Variants in ACAD11 observed in about 807,000 individuals in gnomAD.
ACAD11 encodes acyl-Coenzyme A dehydrogenase family, member 11.
Under a neutral mutation model 102.2 loss-of-function variants are expected in ACAD11, and 83 were observed. The observed-to-expected ratio is 0.81, with a 90% CI of 0.68 to 0.97. The LOEUF (loss-of-function observed/expected upper bound fraction) is 0.97. Among genes scored for constraint, ACAD11 ranks in the 50% least tolerant of loss-of-function variants. The pLI is 0.00. For missense variants in ACAD11, 901 were observed against 951.7 expected, an observed-to-expected ratio of 0.95 and a Z score of 0.70; for synonymous variants, 324 against 319.8, an observed-to-expected ratio of 1.01 and a Z score of -0.14.
intron 1 of ACAD11, 59 bp downstream of exon 1, chr3:132,659,544 G>C: frequency 3.1e-6 from 5 of 1,603,492 alleles, no homozygotes; most frequent in Middle Eastern, 1.7e-4. Context: ...CAGGGCCAAA[G>C]GAAGGAAAAC....
chr3:132,634,494 G>A (rs893445691), intron 5 of ACAD11, among the ~76,000 whole-genome samples: 23 of 152,132 alleles, frequency 1.5e-4, no homozygotes, highest in South Asian at 6.2e-4. Flanking sequence ...GGAAGTCAGT[G>A]TGGCGATTCC....
At position 132,631,478 on chromosome 3, in the gene ACAD11, C is replaced by T; in HGVS notation, c.704G>A (p.Cys235Tyr). ...LDNIVFHPKE[C>Y]RVIAVLDWEL... ...CCAATCCAGCACTGCTATAACTCGA[C>T]ACTGTAATTAAAAATAAAGAGGTCT... The change falls in exon 6 of 20, where the codon TGT becomes TAT. Residue 235 changes from cysteine (C) to tyrosine (Y), a missense_variant and splice_region_variant. By Grantham distance (194) the Cys-to-Tyr change is radical. Coordinates refer to ENST00000264990, the MANE Select transcript of ACAD11 (RefSeq NM_032169.5). 3 of 1,465,442 alleles carry T rather than the reference C, an allele frequency of 2.0e-6. No homozygotes were observed. The highest frequency in any genetic ancestry group is 1.8e-4 in the Middle Eastern group (1 of 5,500). 90.8% of individuals were successfully genotyped at this position (1,465,442 alleles called of 1,614,324 possible).
At chr3:132,570,603 C>T (rs751831884) in intron 17 of ACAD11, among the ~76,000 whole-genome samples, 5 of 152,024 alleles carry the variant, frequency 3.3e-5, no homozygotes, top group Non-Finnish European at 7.4e-5. Flanking sequence ...ATTATTTCGT[C>T]ACTCAGGTAT....
intron 13 of ACAD11, among the ~76,000 whole-genome samples, chr3:132,588,067 C>T (rs1329796062): frequency 6.6e-6 from 1 of 152,178 alleles, no homozygotes; most frequent in East Asian, 1.9e-4. Flanking sequence ...CTGTTCCACA[C>T]TGTTTCCTCA....
At chr3:132,618,531 T>A in intron 11 of ACAD11, 103 bp downstream of exon 11, 1 of 1,046,500 alleles carries the variant, frequency 9.6e-7, no homozygotes, top group Non-Finnish European at 1.3e-6. Context: ...GCTAAATTCA[T>A]AAGTCAATAA....
rs758837502 is a variant in ACAD11 at position 132,626,837 on chromosome 3, GA to G, written c.1071-21del. 15 of 1,587,426 alleles carry G rather than the reference GA, an allele frequency of 9.4e-6. No homozygotes were observed. The highest frequency in any genetic ancestry group is 5.8e-5 in the South Asian group (5 of 85,650). ...AAAGTTCTTTGCCAAAAGAAAAAAG[GA>G]AAAAAAGGTTACAAAGATGTCCAAA... On this transcript the variant is annotated intron_variant, in intron 8 of 19. Coordinates refer to ENST00000264990, the MANE Select transcript of ACAD11 (RefSeq NM_032169.5).
intron 13 of ACAD11, among the ~76,000 whole-genome samples, chr3:132,588,819 C>T (rs769682987): frequency 7.2e-5 from 11 of 152,118 alleles, no homozygotes; most frequent in Non-Finnish European, 1.5e-4. Flanking sequence ...TTTATCCAAA[C>T]GTCTAAATTT....
chr3:132,568,329 G>A (rs1425897974), intron 17 of ACAD11, among the ~76,000 whole-genome samples: 1 of 152,170 alleles, frequency 6.6e-6, no homozygotes, highest in African/African-American at 2.4e-5. Flanking sequence ...AAATACTTAT[G>A]TATAGGACTT....
rs200382528 is a variant in ACAD11 at position 132,561,262 on chromosome 3, G to T, written c.2002-45C>A. The T allele has an allele frequency of 1.4e-3, 1,936 of 1,392,994 alleles. 22 individuals are homozygous for T. In the Middle Eastern group the frequency reaches 0.043, roughly 31 times the overall value. 86.3% of individuals were successfully genotyped at this position (1,392,994 alleles called of 1,614,324 possible). A position where few individuals can be genotyped will look rare whatever the true frequency, so the allele number is the denominator to read the frequency against. On this transcript the variant is annotated intron_variant, in intron 17 of 19. Coordinates refer to ENST00000264990, the MANE Select transcript of ACAD11 (RefSeq NM_032169.5). ...AGCAAAAGAAGGAGGAGCTAAGCTG[G>T]TATCTGATGTCCACGTGTAACACAG...
intron 17 of ACAD11, among the ~76,000 whole-genome samples, chr3:132,573,239 T>C (rs1937434360): frequency 6.6e-6 from 1 of 152,092 alleles, no homozygotes; most frequent in Non-Finnish European, 1.5e-5. Context: ...TTGATTAGAG[T>C]TTCCCTAAAG....
intron 17 of ACAD11, among the ~76,000 whole-genome samples, chr3:132,563,906 AT>A (rs942970379): frequency 6.6e-6 from 1 of 152,154 alleles, no homozygotes; most frequent in African/African-American, 2.4e-5. Flanking sequence ...ATGATGTTAG[AT>A]TTTTAAAAAT....
chr3:132,596,281 A>C (rs1487579131), intron 13 of ACAD11, among the ~76,000 whole-genome samples: 2 of 152,160 alleles, frequency 1.3e-5, no homozygotes, highest in East Asian at 1.9e-4. Context: ...CAAAGGGTAG[A>C]GGGTGGTAGA....
At chr3:132,616,234 T>A (rs1012793299) in intron 11 of ACAD11, among the ~76,000 whole-genome samples, 1 of 152,190 alleles carries the variant, frequency 6.6e-6, no homozygotes, top group African/African-American at 2.4e-5. Context: ...TTTTAAAATT[T>A]CAGCAATTTA....
intron 13 of ACAD11, chr3:132,597,176 T>G (rs1007193978): frequency 2.6e-5 from 4 of 152,192 alleles, no homozygotes; most frequent in African/African-American, 9.7e-5. Context: ...AAATAAAATA[T>G]CAAGTGCTCA....
Position 132,644,994 on chromosome 3 carries a change from A to C in ACAD11, c.150-98T>G, listed in dbSNP as rs1013878398. 4 of 694,720 alleles carry C rather than the reference A, an allele frequency of 5.8e-6. No homozygotes were observed. In the South Asian group the frequency reaches 8.2e-5, roughly 14 times the overall value. 43.0% of individuals were successfully genotyped at this position (694,720 alleles called of 1,614,324 possible). On this transcript the variant is annotated intron_variant, in intron 1 of 19. Transcript: ENST00000264990. ...TGTCAGAAGAAACAAATGAAAATAA[A>C]TTCATCTCAATGCTGGAAAATCAAG...
intron 4 of ACAD11, among the ~76,000 whole-genome samples, chr3:132,640,021 A>T (rs1576614490): frequency 2.7e-5 from 4 of 149,928 alleles, no homozygotes; most frequent in Admixed American, 1.3e-4. Flanking sequence ...CACACACACA[A>T]ATATATAGGC....
intron 12 of ACAD11, 44 bp downstream of exon 12, chr3:132,605,054 G>A (rs763582438): frequency 1.4e-5 from 21 of 1,462,954 alleles, no homozygotes; most frequent in South Asian, 2.4e-5. Flanking sequence ...TAATAACTCC[G>A]GGACGACTGA....
At chr3:132,567,183 T>C (rs909881791) in intron 17 of ACAD11, among the ~76,000 whole-genome samples, 8 of 152,186 alleles carry the variant, frequency 5.3e-5, no homozygotes, top group African/African-American at 1.9e-4. Context: ...TTCACCATGT[T>C]GGCCAGGCTG....
chr3:132,617,088 C>G (rs1481270362), intron 11 of ACAD11, among the ~76,000 whole-genome samples: 3 of 152,116 alleles, frequency 2.0e-5, no homozygotes, highest in Admixed American at 2.0e-4. Flanking sequence ...TGCATAAACA[C>G]AAAAGGCAAT....
Sources: gnomAD v4.1 joint callset for allele counts (sites outside exome capture counted in the v4.1 genomes callset) on GRCh38, gnomAD v4.1.1 for gene constraint, MANE v1.5 for transcripts, NCBI Gene and HGNC (gene_info 2026-07-23, HGNC 2026-07-21) for gene names.